Variants in MICALL2 observed in about 807,000 individuals in gnomAD.
The protein encoded by MICALL2 is MICAL-like protein 2.
Under a neutral mutation model 91.1 loss-of-function variants are expected in MICALL2, and 111 were observed. The ratio of observed to expected loss-of-function variants is 1.22; its 90% confidence interval spans 1.04 to 1.43. The LOEUF (loss-of-function observed/expected upper bound fraction) is 1.43. MICALL2 is among the 40% of genes most tolerant of loss of function. The probability of loss-of-function intolerance (pLI) is 0.00; values close to 1 mark genes in which losing one functional copy is unlikely to be tolerated. For missense variants in MICALL2, 1,556 were observed against 1,236.0 expected (o/e 1.26, Z -3.88); for synonymous variants, 694 against 525.3 (o/e 1.32, Z -4.39).
intron 6 of MICALL2, among the ~76,000 whole-genome samples, chr7:1,443,862 T>C (rs1780429887): frequency 6.6e-6 from 1 of 151,576 alleles, no homozygotes; most frequent in South Asian, 2.1e-4. Context: ...AGTGAGGGGG[T>C]CTTTGGAAAC....
intron 14 of MICALL2, 123 bp from the exon 15 acceptor site, chr7:1,436,979 G>GGA (rs1367687223): frequency 3.1e-6 from 2 of 653,478 alleles, no homozygotes; most frequent in South Asian, 2.3e-5. Flanking sequence ...GGTCTTGGGG[G>GGA]GATCCGGAGC....
chr7:1,439,832 G>T, intron 9 of MICALL2, 93 bp downstream of exon 9: 1 of 1,129,308 alleles, frequency 8.9e-7, no homozygotes, highest in South Asian at 2.1e-5. Context: ...CACACCCCAG[G>T]AGGTGGCACT....
chr7:1,439,309 G>A (rs906608048), intron 9 of MICALL2: 15 of 359,154 alleles, frequency 4.2e-5, no homozygotes, highest in African/African-American at 6.2e-5. Context: ...GCACACACAC[G>A]CATCACACAC....
At chr7:1,449,063 A>C (rs941725312) in intron 2 of MICALL2, among the ~76,000 whole-genome samples, 2 of 152,230 alleles carry the variant, frequency 1.3e-5, no homozygotes, top group African/African-American at 4.8e-5. Flanking sequence ...CACCCAACCC[A>C]GACTTACGCA....
chr7:1,441,730 G>A (rs1334578752), intron 7 of MICALL2: 6 of 196,868 alleles, frequency 3.0e-5, no homozygotes, highest in African/African-American at 1.2e-4. Context: ...CCACAGGGGG[G>A]ACGGGGCATA....
chr7:1,454,654 G>C (rs1360100472), intron 1 of MICALL2, among the ~76,000 whole-genome samples: 2 of 152,210 alleles, frequency 1.3e-5, no homozygotes, highest in Non-Finnish European at 2.9e-5. Flanking sequence ...CCTGGGGCAG[G>C]AACAGAAGGC....
chr7:1,434,623 T>C lies in MICALL2; in HGVS notation c.2688A>G (p.Pro896=), dbSNP rs200659966. ...ACTGGGAGGGGCTGCTTTTGCTTTT[T>C]GGTGACCAGATCTTGGACAAGCGGA... is the stretch of plus-strand genomic sequence containing the variant. The part of the protein sequence containing the change: ...SKFRLSKIWS[P]KSKSSPSQ The change falls in exon 17 of 17, where the codon CCA becomes CCG. Residue 896 remains proline, a synonymous_variant. Transcript: ENST00000297508. 3.1e-6 allele frequency: 5 copies of C among 1,588,630 alleles called. No individual in the cohort carries two copies. The highest frequency in any genetic ancestry group is 4.3e-6 in the Non-Finnish European group (5 of 1,171,634).
intron 1 of MICALL2, among the ~76,000 whole-genome samples, chr7:1,457,477 T>C (rs145604072): frequency 1.3e-5 from 2 of 152,368 alleles, no homozygotes; most frequent in East Asian, 3.9e-4. Flanking sequence ...ACCTGTTCCC[T>C]GTCTGTCTCT....
At chr7:1,448,590 CCTGGCTCGG>C in intron 3 of MICALL2, 21 bp downstream of exon 3, 1 of 1,611,712 alleles carries the variant, frequency 6.2e-7, no homozygotes, top group Non-Finnish European at 8.5e-7. Flanking sequence ...CCTGGTCCTG[CCTGGCTCGG>C]CGGGCGCGGC....
At position 1,446,928 on chromosome 7, in the gene MICALL2, G is replaced by A. The variant is rs540491554; in HGVS notation, c.526-100C>T. ...CGGAAGAGCCCATCTTACAGATGGA[G>A]AACTGGCCAGGAGAGGAGCCGCCAG... On this transcript the variant is annotated intron_variant, in intron 4 of 16. Coordinates refer to ENST00000297508, the MANE Select transcript of MICALL2 (RefSeq NM_182924.4). 314 of 856,244 alleles carry A rather than the reference G, an allele frequency of 3.7e-4. 5 individuals are homozygous for A. The East Asian group carries it at 8.5e-3, about 23-fold the overall frequency. The allele number at this position is 856,244 out of a possible 1,614,324, so 53.0% of individuals were successfully genotyped here.
intron 1 of MICALL2, among the ~76,000 whole-genome samples, chr7:1,457,549 T>C (rs1230204403): frequency 2.0e-5 from 3 of 152,228 alleles, no homozygotes; most frequent in Non-Finnish European, 4.4e-5. Context: ...GACTCAGTGC[T>C]GGGTACACAG....
At chr7:1,437,497 CTGGCTGGGGCCCCT>C (rs1780030567) in intron 14 of MICALL2, 24 bp downstream of exon 14, 1 of 1,498,852 alleles carries the variant, frequency 6.7e-7, no homozygotes, top group South Asian at 1.3e-5. Context: ...CGCGGCATCC[CTGGCTGGGGCCCCT>C]TGGCTGGCGC....
chr7:1,439,416 CAT>C (rs1199086982), intron 9 of MICALL2: 2 of 219,504 alleles, frequency 9.1e-6, no homozygotes, highest in Non-Finnish European at 1.8e-5. Context: ...GTTGCACACA[CAT>C]GCATCACACA....
Position 1,442,229 on chromosome 7 carries a change from G to GGC in MICALL2, c.1672_1673dup (p.Met560ArgfsTer10). On this transcript the variant is annotated frameshift_variant, in exon 7 of 17. Transcript: ENST00000297508. LOFTEE classifies it high-confidence loss of function. ...TGGTGCTTTTACCCTTTGCCATCGGGGCCTCTGGCTTCGGCCTGGAGCCAG... is the reference window on the plus strand; with the variant it reads ...TGGTGCTTTTACCCTTTGCCATCGGGGCGCCTCTGGCTTCGGCCTGGAGCCAG... 1.2e-6 allele frequency: 2 copies of GGC among 1,612,756 alleles called. No homozygotes were observed. Among genetic ancestry groups the GGC allele is most frequent in the African/African-American group, 2.7e-5 (2 of 75,026 alleles).
intron 1 of MICALL2, among the ~76,000 whole-genome samples, chr7:1,456,903 T>C (rs925910949): frequency 1.3e-5 from 2 of 152,198 alleles, no homozygotes; most frequent in African/African-American, 4.8e-5. Context: ...CCAACACCCA[T>C]GGAAGCCTGT....
rs1440898715 is a variant in MICALL2 at position 1,451,071 on chromosome 7, G to C, written c.144-783C>G. Among the ~76,000 whole-genome samples, 1 of 152,178 alleles carries C rather than the reference G, an allele frequency of 6.6e-6. No homozygotes were observed. Among genetic ancestry groups the C allele is most frequent in the Non-Finnish European group, 1.5e-5 (1 of 68,018 alleles). Reference sequence around the variant, plus strand: ...GGTGGAGTGCCTTCCCAGGTGCTCAGCGAGGGCCCAGCCTCACCCCTGACT... The same window carrying C: ...GGTGGAGTGCCTTCCCAGGTGCTCACCGAGGGCCCAGCCTCACCCCTGACT... On this transcript the variant is annotated intron_variant, in intron 1 of 16. Transcript: ENST00000297508. The surrounding 1 kb of genome is among the most constrained non-coding windows in gnomAD (Gnocchi z 4.5).
At position 1,438,214 on chromosome 7, in the gene MICALL2, G is replaced by T; in HGVS notation, c.2194C>A (p.Pro732Thr). 6.3e-7 allele frequency: 1 copy of T among 1,586,342 alleles called. No homozygotes were observed. Among genetic ancestry groups the T allele is most frequent in the Non-Finnish European group, 8.6e-7 (1 of 1,166,436 alleles). ...ETVTSPVRLH[P>T]DYLSPEEIQR... The stretch of plus-strand genomic sequence containing the variant: ...ATCTCCTCCGGGGAGAGGTAGTCGG[G>T]GTGCAGCTGGGAACGGAGGGGCGGT... Residue 732 changes from proline to threonine, a missense_variant, in exon 12 of 17, where the codon CCC becomes ACC. Pro to Thr is a conservative substitution (Grantham distance 38). Transcript: ENST00000297508.
intron 1 of MICALL2, chr7:1,450,496 C>T (rs1466618211): frequency 8.8e-6 from 5 of 568,570 alleles, no homozygotes; most frequent in Non-Finnish European, 1.3e-5. Flanking sequence ...GACCGTAGTA[C>T]GACATCAGAC....
chr7:1,450,304 A>G lies in MICALL2; in HGVS notation c.144-16T>C, dbSNP rs1350569071. 1.9e-6 allele frequency: 3 copies of G among 1,611,456 alleles called. No homozygotes were observed. Among genetic ancestry groups the G allele is most frequent in the Admixed American group, 1.7e-5 (1 of 60,004 alleles). On this transcript the variant is annotated splice_polypyrimidine_tract_variant and intron_variant, in intron 1 of 16. Transcript: ENST00000297508. ...ACTGAAGTTTCTGGAAGATAAAAACATGATGTCCAAAGCAGCTCAGAGTCC... is the reference window on the plus strand; with the variant it reads ...ACTGAAGTTTCTGGAAGATAAAAACGTGATGTCCAAAGCAGCTCAGAGTCC...
Sources: gnomAD v4.1 joint callset for allele counts (sites outside exome capture counted in the v4.1 genomes callset) on GRCh38, gnomAD v4.1.1 for gene constraint, Gnocchi (gnomAD v3.1) non-coding constraint, MANE v1.5 for transcripts, NCBI Gene and HGNC (gene_info 2026-07-23, HGNC 2026-07-21) for gene names.